The following ERC2 variants were observed in gnomAD, a reference collection of about 807,000 sequenced individuals.
ERC2 encodes the protein ERC protein 2.
ERC2 carries 42 observed loss-of-function variants against 114.8 expected under a neutral mutation model. The observed-to-expected ratio is 0.37, with a 90% CI of 0.29 to 0.47. ERC2 has a LOEUF of 0.47. Among genes scored for constraint, ERC2 ranks in the 20% least tolerant of loss-of-function variants. ERC2 has a pLI of 0.99. For missense variants in ERC2, 939 were observed against 1,150.7 expected (o/e 0.82, Z 2.66); for synonymous variants, 454 against 425.5 (o/e 1.07, Z -0.82).
chr3:55,541,083 C>G (rs1413312408), intron 17 of ERC2, among the ~76,000 whole-genome samples: 1 of 152,158 alleles, frequency 6.6e-6, no homozygotes. Flanking sequence ...GGGTTCAGCT[C>G]AGGTCTTCCT....
intron 1 of ERC2, among the ~76,000 whole-genome samples, chr3:56,441,076 A>G (rs900369529): frequency 1.3e-4 from 20 of 152,226 alleles, no homozygotes; most frequent in Non-Finnish European, 1.5e-5. Context: ...GTCTAACCCT[A>G]AAGAGGCTTG....
At chr3:56,078,950 G>A (rs1286263301) in intron 7 of ERC2, among the ~76,000 whole-genome samples, 1 of 151,570 alleles carries the variant, frequency 6.6e-6, no homozygotes, top group Non-Finnish European at 1.5e-5. Context: ...AACTGGATGA[G>A]AGAAGACAGA....
chr3:56,273,489 C>T lies in ERC2; in HGVS notation c.1074+22530G>A, dbSNP rs1473467671. Among the ~76,000 whole-genome samples, 3 of 152,064 alleles carry T rather than the reference C, an allele frequency of 2.0e-5. No individual in the cohort carries two copies. In the East Asian group the frequency reaches 5.8e-4, roughly 29 times the overall value. On this transcript the variant is annotated intron_variant, in intron 3 of 17. Transcript: ENST00000288221. The stretch of plus-strand genomic sequence containing the variant: ...CAAACTCCTGGCCTCAAGCAATCCT[C>T]TCATCTCAACCTCCCCAACTGTCAG...
At chr3:56,252,151 G>C (rs997368029) in intron 3 of ERC2, among the ~76,000 whole-genome samples, 2 of 152,164 alleles carry the variant, frequency 1.3e-5, no homozygotes, top group Admixed American at 1.3e-4. Flanking sequence ...TTCATGCTAA[G>C]TGCCTATTAG....
At chr3:56,226,311 C>G (rs544921813) in intron 3 of ERC2, among the ~76,000 whole-genome samples, 39 of 152,308 alleles carry the variant, frequency 2.6e-4, no homozygotes, top group Non-Finnish European at 5.0e-4. Flanking sequence ...TGTTTGCCAT[C>G]ATCTCCCCAG....
intron 3 of ERC2, among the ~76,000 whole-genome samples, chr3:56,258,527 C>G (rs555625622): frequency 2.0e-5 from 3 of 152,106 alleles, no homozygotes; most frequent in Non-Finnish European, 2.9e-5. Flanking sequence ...GGTGGTGGGC[C>G]CCTGTAGTCC....
intron 17 of ERC2, among the ~76,000 whole-genome samples, chr3:55,610,263 A>C (rs1386129782): frequency 6.6e-6 from 1 of 151,834 alleles, no homozygotes; most frequent in Non-Finnish European, 1.5e-5. Flanking sequence ...TTGACAAATA[A>C]CCAGGGATGG....
At chr3:56,427,966 G>C (rs759468499) in intron 2 of ERC2, among the ~76,000 whole-genome samples, 23 of 152,134 alleles carry the variant, frequency 1.5e-4, no homozygotes, top group African/African-American at 5.6e-4. Context: ...GGACTGACCA[G>C]AAAATCCGTT....
At chr3:55,608,730 G>A (rs1351865678) in intron 17 of ERC2, among the ~76,000 whole-genome samples, 1 of 152,176 alleles carries the variant, frequency 6.6e-6, no homozygotes, top group East Asian at 1.9e-4. Flanking sequence ...TTTAAGTGCC[G>A]TAATTACATA....
chr3:55,712,548 G>T (rs1444384729), intron 15 of ERC2, among the ~76,000 whole-genome samples: 1 of 152,188 alleles, frequency 6.6e-6, no homozygotes, highest in Non-Finnish European at 1.5e-5. Flanking sequence ...TCATGCTTGT[G>T]TTGGTAGAAA....
intron 15 of ERC2, among the ~76,000 whole-genome samples, chr3:55,721,946 A>G (rs2064582317): frequency 6.6e-6 from 1 of 152,204 alleles, no homozygotes; most frequent in Non-Finnish European, 1.5e-5. Context: ...GCCATGAGAA[A>G]GAGGAAATAA....
At chr3:56,029,543 G>A (rs986732064) in intron 7 of ERC2, among the ~76,000 whole-genome samples, 4 of 152,044 alleles carry the variant, frequency 2.6e-5, no homozygotes, top group African/African-American at 9.6e-5. Flanking sequence ...TTTCATGTTG[G>A]TTACTTTTGG....
At chr3:55,834,927 G>A (rs564996114) in intron 14 of ERC2, among the ~76,000 whole-genome samples, 229 of 150,426 alleles carry the variant, frequency 1.5e-3, no homozygotes, top group South Asian at 5.5e-3. Flanking sequence ...TATCACCACC[G>A]ATCCCACAGA....
chr3:55,805,837 T>C (rs1349397473), intron 14 of ERC2, among the ~76,000 whole-genome samples: 1 of 152,168 alleles, frequency 6.6e-6, no homozygotes, highest in Non-Finnish European at 1.5e-5. Flanking sequence ...TTCAGATGCC[T>C]GTAATTAAAC....
intron 2 of ERC2, among the ~76,000 whole-genome samples, chr3:56,378,145 A>G (rs2059615427): frequency 6.6e-6 from 1 of 151,328 alleles, no homozygotes; most frequent in South Asian, 2.1e-4. Flanking sequence ...GGCATTATTC[A>G]CAATAGCAAA....
chr3:55,955,293 TGGG>T, intron 12 of ERC2: 5 of 410,276 alleles, frequency 1.2e-5, no homozygotes, highest in South Asian at 1.8e-5. Flanking sequence ...TGTGTGTAAG[TGGG>T]GTATAAATAC....
At chr3:56,297,490 G>A (rs2055527732) in intron 2 of ERC2, among the ~76,000 whole-genome samples, 1 of 152,234 alleles carries the variant, frequency 6.6e-6, no homozygotes, top group African/African-American at 2.4e-5. Context: ...GTTATCAGAT[G>A]TGAGAAAAGG....
chr3:55,837,359 G>T (rs994371568), intron 14 of ERC2, among the ~76,000 whole-genome samples: 1 of 152,208 alleles, frequency 6.6e-6, no homozygotes, highest in South Asian at 2.1e-4. Flanking sequence ...CAACCCAAAT[G>T]TCCAACAATG....
chr3:55,656,098 CTTTA>C (rs144217897), intron 17 of ERC2, among the ~76,000 whole-genome samples: 9 of 150,206 alleles, frequency 6.0e-5, no homozygotes, highest in Admixed American at 2.6e-4. Flanking sequence ...ATGGAATGCA[CTTTA>C]TTTATTTATT....
Sources: allele counts gnomAD v4.1 joint callset (sites outside exome capture counted in the v4.1 genomes callset), GRCh38; gene constraint gnomAD v4.1.1; transcripts MANE v1.5; gene names NCBI Gene and HGNC (gene_info 2026-07-23, HGNC 2026-07-21).